Variants in CSMD1 observed in about 807,000 individuals in gnomAD.
CSMD1 encodes the protein CUB and Sushi multiple domains 1.
A neutral mutation model predicts 417.5 loss-of-function variants in CSMD1; 213 were observed. The ratio of observed to expected loss-of-function variants is 0.51; its 90% CI spans 0.46 to 0.57. The LOEUF is 0.57. Among genes scored for constraint, CSMD1 ranks in the 20% least tolerant of loss-of-function variants. The probability of loss-of-function intolerance (pLI) is 0.00; values close to 1 mark genes in which losing one functional copy is unlikely to be tolerated. For missense variants in CSMD1, 6,923 were observed against 4,529.7 expected (o/e 1.53, Z -15.17); for synonymous variants, 2,862 against 1,736.8 (o/e 1.65, Z -16.11).
chr8:3,988,469 T>A (rs1391766053), intron 5 of CSMD1, among the ~76,000 whole-genome samples: 1 of 152,176 alleles, frequency 6.6e-6, no homozygotes, highest in African/African-American at 2.4e-5. Flanking sequence ...CTCTCACAGC[T>A]CAGGCTCTGG....
At chr8:3,892,098 T>C (rs1181118765) in intron 5 of CSMD1, among the ~76,000 whole-genome samples, 1 of 151,956 alleles carries the variant, frequency 6.6e-6, no homozygotes, top group Non-Finnish European at 1.5e-5. Flanking sequence ...AAGTTTCCTA[T>C]TCAGGCAGGA....
chr8:3,467,087 T>TA (rs1816829340), intron 12 of CSMD1, among the ~76,000 whole-genome samples: 1 of 152,220 alleles, frequency 6.6e-6, no homozygotes, highest in South Asian at 2.1e-4. Flanking sequence ...CTGAGACTCT[T>TA]ACCACAGCAC....
intron 3 of CSMD1, among the ~76,000 whole-genome samples, chr8:4,262,714 A>G (rs1345444893): frequency 6.6e-6 from 1 of 152,166 alleles, no homozygotes; most frequent in Non-Finnish European, 1.5e-5. Context: ...CTCAGGTCCC[A>G]AAATCCACTT....
chr8:3,688,739 A>T (rs1252971794), intron 7 of CSMD1, among the ~76,000 whole-genome samples: 1 of 152,180 alleles, frequency 6.6e-6, no homozygotes, highest in East Asian at 1.9e-4. Context: ...TTACTTTAAA[A>T]GTTGCTGGGT....
chr8:3,895,706 T>C (rs1394726207), intron 5 of CSMD1, among the ~76,000 whole-genome samples: 2 of 152,224 alleles, frequency 1.3e-5, no homozygotes, highest in African/African-American at 4.8e-5. Context: ...AGTTCCTAAC[T>C]TGTCAATTTA....
chr8:3,036,495 T>G (rs1471074892), intron 50 of CSMD1, among the ~76,000 whole-genome samples: 1 of 152,186 alleles, frequency 6.6e-6, no homozygotes, highest in African/African-American at 2.4e-5. Context: ...AAAATTATGA[T>G]TAGATGTCAT....
At chr8:3,937,902 G>C (rs1433975054) in intron 5 of CSMD1, among the ~76,000 whole-genome samples, 1 of 152,042 alleles carries the variant, frequency 6.6e-6, no homozygotes, top group African/African-American at 2.4e-5. Context: ...ATGATTTAAA[G>C]AGTTATAAAA....
intron 3 of CSMD1, among the ~76,000 whole-genome samples, chr8:4,084,554 G>C (rs541325751): frequency 2.6e-5 from 4 of 152,142 alleles, no homozygotes; most frequent in African/African-American, 4.8e-5. Context: ...ACAATTGGTA[G>C]GATGTTAGGA....
At chr8:4,155,510 C>A (rs75080805) in intron 3 of CSMD1, among the ~76,000 whole-genome samples, 2 of 152,154 alleles carry the variant, frequency 1.3e-5, no homozygotes, top group Admixed American at 6.5e-5. Flanking sequence ...CGTTCTTAAA[C>A]GCCAAACTTA....
chr8:4,682,278 G>A (rs185183105), intron 1 of CSMD1, among the ~76,000 whole-genome samples: 2 of 152,246 alleles, frequency 1.3e-5, no homozygotes, highest in African/African-American at 4.8e-5. Flanking sequence ...CAATCCACCT[G>A]CCTTAGCCTC....
chr8:3,236,281 T>C (rs1023400646), intron 26 of CSMD1, among the ~76,000 whole-genome samples: 2 of 152,150 alleles, frequency 1.3e-5, no homozygotes, highest in Admixed American at 1.3e-4. Context: ...TATCTGCTTG[T>C]ATATTTTCAA....
At position 3,308,550 on chromosome 8, in the gene CSMD1, T is replaced by C. The variant is rs1268972518; in HGVS notation, c.3632-47A>G. ...AATGAACAGAACTCAAGGGTGGACA[T>C]CTGCCTTAAAACAGAGATGAAACAA... is the stretch of plus-strand genomic sequence containing the variant. On this transcript the variant is annotated intron_variant, in intron 23 of 69. Coordinates refer to ENST00000635120, the MANE Select transcript of CSMD1 (RefSeq NM_033225.6). 5 of 1,500,098 alleles carry C rather than the reference T, an allele frequency of 3.3e-6. No homozygotes were observed. In the South Asian group the frequency reaches 3.5e-5, roughly 11 times the overall value. The allele number at this position is 1,500,098 out of a possible 1,614,324, so 92.9% of individuals were successfully genotyped here.
intron 3 of CSMD1, among the ~76,000 whole-genome samples, chr8:4,296,102 G>C (rs112687937): frequency 6.6e-6 from 1 of 152,076 alleles, no homozygotes; most frequent in African/African-American, 2.4e-5. Context: ...CTCTTTGCAA[G>C]GAGAGAAATC....
intron 5 of CSMD1, among the ~76,000 whole-genome samples, chr8:3,896,727 G>C (rs1005641586): frequency 1.3e-5 from 2 of 151,902 alleles, no homozygotes; most frequent in African/African-American, 2.4e-5. Flanking sequence ...AGCCAGGATG[G>C]TCTCGATCCT....
chr8:4,860,403 A>C (rs1462270842), intron 1 of CSMD1, among the ~76,000 whole-genome samples: 1 of 151,652 alleles, frequency 6.6e-6, no homozygotes, highest in Non-Finnish European at 1.5e-5. Flanking sequence ...CAAAAACTTA[A>C]AGTATATAAA....
At chr8:4,473,188 G>A (rs942953447) in intron 2 of CSMD1, among the ~76,000 whole-genome samples, 3 of 151,954 alleles carry the variant, frequency 2.0e-5, no homozygotes, top group Admixed American at 6.6e-5. Context: ...AACCAATGAC[G>A]ACTTAAAATT....
intron 1 of CSMD1, among the ~76,000 whole-genome samples, chr8:4,759,829 T>G (rs1044728318): frequency 1.3e-5 from 2 of 152,258 alleles, no homozygotes; most frequent in South Asian, 4.1e-4. Flanking sequence ...ACATTTGGGT[T>G]GATTCCATGT....
intron 7 of CSMD1, among the ~76,000 whole-genome samples, chr8:3,691,974 G>C (rs890684264): frequency 2.0e-5 from 3 of 152,058 alleles, no homozygotes; most frequent in Non-Finnish European, 1.5e-5. Context: ...CCTGAATGAC[G>C]GTCTTTGTCC....
rs899157293 is a variant in CSMD1, at chr8:4,194,672, G to A, written c.416-162573C>T. On this transcript the variant is annotated intron_variant, in intron 3 of 69. Coordinates refer to ENST00000635120, the MANE Select transcript of CSMD1 (RefSeq NM_033225.6). Reference sequence around the variant, plus strand: ...GAAAATAAAAACATTTAATAAAATGGGGAAAAGGATCATACAACACAAAGC... The same window carrying A: ...GAAAATAAAAACATTTAATAAAATGAGGAAAAGGATCATACAACACAAAGC... 3.9e-5 allele frequency among the ~76,000 whole-genome samples: 6 copies of A among 151,974 alleles called. No homozygotes were observed. In the South Asian group the frequency reaches 6.2e-4, roughly 16 times the overall value.
Sources: gnomAD v4.1 joint callset for allele counts (sites outside exome capture counted in the v4.1 genomes callset) on GRCh38, gnomAD v4.1.1 for gene constraint, MANE v1.5 for transcripts, NCBI Gene and HGNC (gene_info 2026-07-23, HGNC 2026-07-21) for gene names.